The following RIMS1 variants were observed in gnomAD, a reference collection of about 807,000 sequenced individuals.
RIMS1 encodes the protein regulating synaptic membrane exocytosis protein 1.
RIMS1 carries 83 observed loss-of-function variants against 214.1 expected under a neutral mutation model. The ratio of observed to expected loss-of-function variants is 0.39; its 90% confidence interval spans 0.32 to 0.47. The LOEUF (loss-of-function observed/expected upper bound fraction) is 0.47, where lower values mean the gene tolerates loss of function less well. Among genes scored for constraint, RIMS1 ranks in the 20% least tolerant of loss-of-function variants. The pLI is 0.99. For synonymous variants in RIMS1, 793 were observed against 786.8 expected, an observed-to-expected ratio of 1.01 and a Z score of -0.13; for missense variants, 2,050 against 2,161.8, an observed-to-expected ratio of 0.95 and a Z score of 1.03.
intron 1 of RIMS1, among the ~76,000 whole-genome samples, chr6:71,913,158 G>T (rs966734055): frequency 2.0e-4 from 31 of 152,038 alleles, no homozygotes; most frequent in Non-Finnish European, 4.4e-4. Flanking sequence ...TTTATTAAAA[G>T]ATGTCTATTT....
chr6:72,057,245 TTGTC>T (rs1267732555), intron 2 of RIMS1, among the ~76,000 whole-genome samples: 1 of 152,186 alleles, frequency 6.6e-6, no homozygotes, highest in African/African-American at 2.4e-5. Flanking sequence ...TGAGATAACA[TTGTC>T]TGAATTCACT....
At chr6:72,275,078 ATTC>A (rs937660018) in intron 23 of RIMS1, among the ~76,000 whole-genome samples, 2 of 140,534 alleles carry the variant, frequency 1.4e-5, no homozygotes, top group African/African-American at 5.3e-5. Context: ...TTACTTTGTT[ATTC>A]TTCTCAGTGT....
chr6:72,200,857 T>TTA (rs1281701485), intron 6 of RIMS1, among the ~76,000 whole-genome samples: 1 of 146,156 alleles, frequency 6.8e-6, no homozygotes, highest in African/African-American at 2.5e-5. Flanking sequence ...AAGGACACAA[T>TTA]TGTGTGTGTG....
intron 4 of RIMS1, among the ~76,000 whole-genome samples, chr6:72,134,697 G>A (rs913786855): frequency 6.6e-6 from 1 of 151,990 alleles, no homozygotes; most frequent in Non-Finnish European, 1.5e-5. Flanking sequence ...CCTAAGATGA[G>A]GTAGGCTAGT....
At chr6:72,101,185 C>T (rs1196529611) in intron 4 of RIMS1, among the ~76,000 whole-genome samples, 1 of 151,744 alleles carries the variant, frequency 6.6e-6, no homozygotes, top group Non-Finnish European at 1.5e-5. Context: ...ACTCACTATC[C>T]CTTTGACAGC....
Position 72,250,316 on chromosome 6 carries a change from C to T in RIMS1, c.2242-14C>T, listed in dbSNP as rs2072614629. The T allele has an allele frequency of 5.0e-6, 8 of 1,586,770 alleles. No individual in the cohort carries two copies. Among genetic ancestry groups the T allele is most frequent in the East Asian group, 4.6e-5 (2 of 43,294 alleles). On this transcript the variant is annotated splice_polypyrimidine_tract_variant and intron_variant, in intron 12 of 33. Coordinates refer to ENST00000521978, the MANE Select transcript of RIMS1 (RefSeq NM_014989.7). ...ATGATTTTTACAAATAATTCCTTTC[C>T]TCATTGCTCCTAGGTGAAGTTGTGG...
At chr6:72,337,168 C>A (rs2096869077) in intron 29 of RIMS1, among the ~76,000 whole-genome samples, 1 of 151,684 alleles carries the variant, frequency 6.6e-6, no homozygotes, top group Non-Finnish European at 1.5e-5. Context: ...ATTGAATGAA[C>A]CTCCAGGTAA....
intron 1 of RIMS1, among the ~76,000 whole-genome samples, chr6:71,899,324 A>G (rs886246032): frequency 4.6e-5 from 7 of 151,986 alleles, no homozygotes; most frequent in African/African-American, 1.7e-4. Flanking sequence ...CTTAAAAGCC[A>G]GTTGATTTTT....
At chr6:72,366,716 G>C (rs981790366) in intron 29 of RIMS1, 2 of 985,542 alleles carry the variant, frequency 2.0e-6, no homozygotes, top group African/African-American at 3.5e-5. Flanking sequence ...GAATGGGAGA[G>C]AGACAGAGAA....
chr6:72,125,604 G>A (rs2039345293), intron 4 of RIMS1, among the ~76,000 whole-genome samples: 2 of 152,242 alleles, frequency 1.3e-5, no homozygotes, highest in Admixed American at 1.3e-4. Flanking sequence ...GGAGTCTACA[G>A]ATGCAGGCAG....
chr6:72,209,044 CT>C (rs553335657), intron 6 of RIMS1, among the ~76,000 whole-genome samples: 5 of 152,238 alleles, frequency 3.3e-5, no homozygotes, highest in Admixed American at 1.3e-4. Context: ...TTTAAACATG[CT>C]TTTCCTTTAA....
chr6:72,116,174 C>G (rs1370174875), intron 4 of RIMS1, among the ~76,000 whole-genome samples: 1 of 151,948 alleles, frequency 6.6e-6, no homozygotes, highest in Non-Finnish European at 1.5e-5. Context: ...ATTGGCAACT[C>G]ACTTGAAGTA....
At position 72,251,330 on chromosome 6, in the gene RIMS1, G is replaced by A. The variant is rs764336935; in HGVS notation, c.2660G>A (p.Arg887Gln). 4.4e-6 allele frequency: 7 copies of A among 1,599,364 alleles called. No individual in the cohort carries two copies. Among genetic ancestry groups the A allele is most frequent in the Admixed American group, 1.7e-5 (1 of 58,234 alleles). ...CAGCCATCACCTTTCATGCCAAGGC[G>A]ACATATTCATGGAGAAAGCTCTAGC... is the stretch of plus-strand genomic sequence containing the variant. Reference protein sequence around the residue: ...LPQPSPFMPRRHIHGESSSKK... With the variant: ...LPQPSPFMPRQHIHGESSSKK... Residue 887 changes from arginine (R) to glutamine (Q), a missense_variant, in exon 15 of 34, where the codon CGA (arginine) becomes CAA (glutamine). Transcript: ENST00000521978.
intron 2 of RIMS1, among the ~76,000 whole-genome samples, chr6:72,004,885 T>C (rs1434658948): frequency 6.6e-6 from 1 of 152,080 alleles, no homozygotes; most frequent in African/African-American, 2.4e-5. Context: ...TTAGATCCCA[T>C]TTGTCAATTT....
intron 1 of RIMS1, among the ~76,000 whole-genome samples, chr6:71,926,385 A>G (rs2150835120): frequency 6.6e-6 from 1 of 152,310 alleles, no homozygotes; most frequent in South Asian, 2.1e-4. Context: ...AAACTTTCCC[A>G]TGTTTAGCTG....
Position 72,401,111 on chromosome 6 carries a change from G to A in RIMS1, c.*397G>A, listed in dbSNP as rs575379426. 17 of 160,008 alleles carry A rather than the reference G, an allele frequency of 1.1e-4. No homozygotes were observed. In the East Asian group the frequency reaches 3.1e-3, roughly 29 times the overall value. The allele number at this position is 160,008 out of a possible 1,614,324, so 9.9% of individuals were successfully genotyped here. A position where few individuals can be genotyped will look rare whatever the true frequency, so the allele number is the denominator to read the frequency against. On this transcript the variant is annotated 3_prime_UTR_variant, in exon 34 of 34. Transcript: ENST00000521978. Reference sequence around the variant, plus strand: ...AGACCACAAGCAGTGTTATTTCCCTGATGTTTGAGTTGTTTTGTTCTTTTG... The same window carrying A: ...AGACCACAAGCAGTGTTATTTCCCTAATGTTTGAGTTGTTTTGTTCTTTTG...
intron 6 of RIMS1, among the ~76,000 whole-genome samples, chr6:72,206,716 T>C (rs149347078): frequency 1.4e-4 from 21 of 152,302 alleles, no homozygotes; most frequent in African/African-American, 5.1e-4. Context: ...GTATAGCACA[T>C]TGCAAGTGGC....
intron 2 of RIMS1, among the ~76,000 whole-genome samples, chr6:72,016,194 G>T (rs1463469386): frequency 6.6e-6 from 1 of 152,082 alleles, no homozygotes; most frequent in Non-Finnish European, 1.5e-5. Flanking sequence ...CGTGTGGCTG[G>T]ATTTAGTTTG....
At chr6:72,360,387 G>C (rs910508129) in intron 29 of RIMS1, among the ~76,000 whole-genome samples, 1 of 152,096 alleles carries the variant, frequency 6.6e-6, no homozygotes, top group Non-Finnish European at 1.5e-5. Context: ...CTTTCTGTTA[G>C]CATCTGCTTT....
Sources: allele counts gnomAD v4.1 joint callset (sites outside exome capture counted in the v4.1 genomes callset), GRCh38; gene constraint gnomAD v4.1.1; transcripts MANE v1.5; gene names NCBI Gene and HGNC (gene_info 2026-07-23, HGNC 2026-07-21).